Variants in PER3 observed in about 807,000 individuals in gnomAD.
The protein encoded by PER3 is period circadian regulator 3, also known as period circadian protein homolog 3.
Under a neutral mutation model 127.2 loss-of-function variants are expected in PER3, and 107 were observed. The observed-to-expected ratio is 0.84, with a 90% CI of 0.72 to 0.99. The LOEUF is 0.99. Ranked by LOEUF, PER3 falls within the 50% of genes least tolerant of loss-of-function variation. PER3 has a pLI of 0.00. For missense variants in PER3, 1,560 were observed against 1,525.8 expected, an observed-to-expected ratio of 1.02 and a Z score of -0.37; for synonymous variants, 618 against 585.8, an observed-to-expected ratio of 1.05 and a Z score of -0.79.
chr1:7,785,548 C>A lies in PER3; in HGVS notation c.236C>A (p.Ala79Asp). The change falls in exon 3 of 22, where the codon GCC becomes GAC. Residue 79 changes from alanine (A) to aspartate (D), a missense_variant. Ala to Asp is a moderately radical substitution (Grantham distance 126, BLOSUM62 -2). This residue lies in a region of PER3 where 1,332 missense variants were observed against 1,223.6 expected (regional missense o/e 1.09). Coordinates refer to ENST00000377532, the MANE Select transcript of PER3 (RefSeq NM_001377275.1). ...ERRNKPSTLD[A>D]LNYALRCVHS... The stretch of plus-strand genomic sequence containing the variant: ...CGCAATAAACCAAGCACTCTAGATG[C>A]CCTCAACTATGCTCTCCGCTGTGTC... 6.2e-7 allele frequency: 1 copy of A among 1,613,534 alleles called. No individual in the cohort carries two copies. The highest frequency in any genetic ancestry group is 8.5e-7 in the Non-Finnish European group (1 of 1,179,548).
chr1:7,825,880 A>C (rs2097299063), intron 16 of PER3, among the ~76,000 whole-genome samples: 1 of 134,598 alleles, frequency 7.4e-6, no homozygotes, highest in Non-Finnish European at 1.6e-5. Context: ...AACAAGAGCG[A>C]AACTCCATCT....
chr1:7,825,576 T>C (rs1443386234), intron 16 of PER3, among the ~76,000 whole-genome samples: 1 of 152,196 alleles, frequency 6.6e-6, no homozygotes, highest in African/African-American at 2.4e-5. Context: ...AGATAATCTA[T>C]ATTCATCCTC....
At chr1:7,794,846 T>C (rs1454896597) in intron 6 of PER3, among the ~76,000 whole-genome samples, 1 of 150,760 alleles carries the variant, frequency 6.6e-6, no homozygotes, top group Non-Finnish European at 1.5e-5. Flanking sequence ...TAGTGTTCCT[T>C]TTATGTTATA....
intron 21 of PER3, among the ~76,000 whole-genome samples, chr1:7,840,169 T>C (rs1345225086): frequency 4.6e-5 from 7 of 152,152 alleles, no homozygotes; most frequent in African/African-American, 1.7e-4. Flanking sequence ...TGAATCCCTC[T>C]AGTGAATTTT....
At position 7,792,870 on chromosome 1, in the gene PER3, G is replaced by A. The variant is rs905264037; in HGVS notation, c.593-1087G>A. 3.9e-5 allele frequency among the ~76,000 whole-genome samples: 6 copies of A among 152,204 alleles called. No individual in the cohort carries two copies. In the South Asian group the frequency reaches 8.3e-4, roughly 21 times the overall value. ...GTGCACGTCTGCTGTCTTAGATCAC[G>A]TAGTCTAGCTTTCAGTGGTCCAGGA... On this transcript the variant is annotated intron_variant, in intron 5 of 21. Transcript: ENST00000377532.
chr1:7,814,082 G>A (rs975973437), intron 13 of PER3, among the ~76,000 whole-genome samples: 1 of 152,080 alleles, frequency 6.6e-6, no homozygotes, highest in African/African-American at 2.4e-5. Flanking sequence ...AACACAGCCT[G>A]GAAAAGAATC....
At chr1:7,785,994 C>G (rs1197880210) in intron 3 of PER3, among the ~76,000 whole-genome samples, 1 of 152,218 alleles carries the variant, frequency 6.6e-6, no homozygotes, top group African/African-American at 2.4e-5. Flanking sequence ...CGGTGCCTCA[C>G]GCCTGTAATC....
In PER3 at chr1:7,820,511, AATGG is replaced by A. The variant is rs1397385416; in HGVS notation, c.1830_1833del (p.Arg612ProfsTer2). On this transcript the variant is annotated frameshift_variant, in exon 16 of 22. Transcript: ENST00000377532. LOFTEE classifies it high-confidence loss of function. Reference sequence around the variant, plus strand: ...CATACCTAAATCAGAAATGCCAACAAATGGACGGTCCATAGACACAGGAGGAGGA... The same window carrying A: ...CATACCTAAATCAGAAATGCCAACAAACGGTCCATAGACACAGGAGGAGGA... 6.2e-7 allele frequency: 1 copy of A among 1,614,054 alleles called. No homozygotes were observed. Among genetic ancestry groups the A allele is most frequent in the Non-Finnish European group, 8.5e-7 (1 of 1,179,984 alleles).
At chr1:7,830,690 T>C (rs372577228) in intron 19 of PER3, among the ~76,000 whole-genome samples, 135 of 152,332 alleles carry the variant, frequency 8.9e-4, no homozygotes, top group Middle Eastern at 3.4e-3. Flanking sequence ...TTTCTTTACA[T>C]TGGGATATCT....
chr1:7,807,146 G>A (rs2097198610), intron 10 of PER3, among the ~76,000 whole-genome samples: 1 of 152,034 alleles, frequency 6.6e-6, no homozygotes, highest in Non-Finnish European at 1.5e-5. Context: ...ACCTCACCCC[G>A]TGGCACTTAC....
In PER3 at chr1:7,784,996, G is replaced by A; in HGVS notation, c.119G>A (p.Ser40Asn). 1 of 1,570,070 alleles carries A rather than the reference G, an allele frequency of 6.4e-7. No homozygotes were observed. Among genetic ancestry groups the A allele is most frequent in the East Asian group, 2.4e-5 (1 of 40,984 alleles). The change falls in exon 2 of 22, where the codon AGC becomes AAC. Residue 40 changes from serine (S) to asparagine (N), a missense_variant. This residue lies in a region of PER3 where 1,332 missense variants were observed against 1,223.6 expected (regional missense o/e 1.09). Coordinates refer to ENST00000377532, the MANE Select transcript of PER3 (RefSeq NM_001377275.1). The stretch of plus-strand genomic sequence containing the variant: ...CATCTGCAGAGGAAATTGGCGGACA[G>A]CAGCCACAGGTGACGCGCTGGCTTC... ...EFHLQRKLADSSHSEQQDRNR... is the reference protein window; with the variant it reads ...EFHLQRKLADNSHSEQQDRNR...
intron 10 of PER3, among the ~76,000 whole-genome samples, chr1:7,804,873 CTT>C (rs35036651): frequency 4.2e-5 from 6 of 143,364 alleles, no homozygotes; most frequent in African/African-American, 5.2e-5. Flanking sequence ...ATCTTTAGTC[CTT>C]TTTTTTTTTT....
At chr1:7,836,428 C>T (rs1049571164) in intron 20 of PER3, among the ~76,000 whole-genome samples, 1 of 152,210 alleles carries the variant, frequency 6.6e-6, no homozygotes, top group Non-Finnish European at 1.5e-5. Flanking sequence ...ATCTGCCCAC[C>T]TCGGCCTCCC....
At chr1:7,834,299 A>G (rs554454916) in intron 19 of PER3, among the ~76,000 whole-genome samples, 2 of 152,306 alleles carry the variant, frequency 1.3e-5, no homozygotes, top group South Asian at 4.1e-4. Flanking sequence ...CACTTTATAT[A>G]TTAGAACCTT....
intron 21 of PER3, among the ~76,000 whole-genome samples, chr1:7,839,333 T>C (rs2097373348): frequency 6.6e-6 from 1 of 152,250 alleles, no homozygotes; most frequent in South Asian, 2.1e-4. Flanking sequence ...TTAAATAATA[T>C]AGAAAGCAAA....
intron 8 of PER3, among the ~76,000 whole-genome samples, chr1:7,801,538 A>G (rs1036738525): frequency 3.9e-5 from 6 of 152,226 alleles, no homozygotes; most frequent in Admixed American, 3.3e-4. Flanking sequence ...CTGGTCTTCT[A>G]GCACTTATTC....
chr1:7,838,124 A>C (rs938824231), intron 21 of PER3, among the ~76,000 whole-genome samples: 5 of 152,148 alleles, frequency 3.3e-5, no homozygotes, highest in Non-Finnish European at 5.9e-5. Context: ...TTAAAGTATG[A>C]TATTAAGGCT....
intron 10 of PER3, among the ~76,000 whole-genome samples, chr1:7,804,301 TTC>T (rs749423302): frequency 5.4e-5 from 8 of 148,194 alleles, no homozygotes; most frequent in South Asian, 4.3e-4. Flanking sequence ...CTACAAGTGT[TTC>T]TTTCTTTCTT....
rs141154839 is a variant in PER3 at position 7,829,924 on chromosome 1, C to T, written c.2977C>T (p.His993Tyr). Reference protein sequence around the residue: ...TGSPPRENPSHPTASALSTGS... With the variant: ...TGSPPRENPSYPTASALSTGS... The stretch of plus-strand genomic sequence containing the variant: ...GTCACCTCCCAGGGAGAATCCATCC[C>T]ATCCTACTGCCAGCGCTCTGTCCAC... Residue 993 changes from histidine to tyrosine, a missense_variant, in exon 19 of 22, where the codon CAT (histidine) becomes TAT (tyrosine). By Grantham distance (83) the His-to-Tyr change is moderately conservative. This residue lies in a region of PER3 where 29 missense variants were observed against 103.6 expected (regional missense o/e 0.28). Coordinates refer to ENST00000377532, the MANE Select transcript of PER3 (RefSeq NM_001377275.1). 3.1e-6 allele frequency: 4 copies of T among 1,296,716 alleles called. No individual in the cohort carries two copies. The highest frequency in any genetic ancestry group is 4.0e-6 in the Non-Finnish European group (4 of 1,006,986). The allele number at this position is 1,296,716 out of a possible 1,614,324, so 80.3% of individuals were successfully genotyped here. A position where few individuals can be genotyped will look rare whatever the true frequency, so the allele number is the denominator to read the frequency against.
Sources: allele counts gnomAD v4.1 joint callset (sites outside exome capture counted in the v4.1 genomes callset), GRCh38; gene constraint gnomAD v4.1.1; regional missense constraint gnomAD v4.1.1; transcripts MANE v1.5; gene names NCBI Gene and HGNC (gene_info 2026-07-23, HGNC 2026-07-21).